DENND1A: variants seen among roughly 807,000 people sequenced by gnomAD.
DENND1A encodes the protein DENN domain-containing protein 1A.
In DENND1A, 51 loss-of-function variants were observed where a neutral mutation model predicts 113.7. The ratio of observed to expected loss-of-function variants is 0.45; its 90% CI spans 0.36 to 0.57. DENND1A has a LOEUF of 0.57. Among genes scored for constraint, DENND1A ranks in the 20% least tolerant of loss-of-function variants. The pLI is 0.00. For missense variants in DENND1A, 1,258 were observed against 1,395.9 expected (o/e 0.90, Z 1.57); for synonymous variants, 565 against 570.8 (o/e 0.99, Z 0.14).
In DENND1A at chr9:123,911,322, A is replaced by G. The variant is rs567071979; in HGVS notation, c.17+18567T>C. 2.0e-5 allele frequency among the ~76,000 whole-genome samples: 3 copies of G among 152,366 alleles called. No individual in the cohort carries two copies. The East Asian group carries it at 5.8e-4, about 29-fold the overall frequency. On this transcript the variant is annotated intron_variant, in intron 1 of 23. Coordinates refer to ENST00000394215, the MANE Select transcript of DENND1A (RefSeq NM_001352964.2). The stretch of plus-strand genomic sequence containing the variant: ...CAAGTGGAACTGTCATATATAGCTG[A>G]TGAGGTATGAATTGGCACACAATTT...
chr9:123,471,119 G>A (rs1359361318), intron 13 of DENND1A, among the ~76,000 whole-genome samples: 1 of 152,218 alleles, frequency 6.6e-6, no homozygotes, highest in Non-Finnish European at 1.5e-5. Context: ...ATATAGAAAA[G>A]GCTTTTCTTT....
chr9:123,500,466 C>T (rs1256376943), intron 13 of DENND1A, among the ~76,000 whole-genome samples: 2 of 152,188 alleles, frequency 1.3e-5, no homozygotes, highest in East Asian at 3.8e-4. Flanking sequence ...GAAAAATGAA[C>T]TTGTCAGGCA....
At chr9:123,757,153 T>C (rs1267772883) in intron 5 of DENND1A, among the ~76,000 whole-genome samples, 1 of 152,330 alleles carries the variant, frequency 6.6e-6, no homozygotes, top group East Asian at 1.9e-4. Flanking sequence ...AGTGTGGCTC[T>C]GGTGTATGAG....
At chr9:123,452,750 C>T (rs2047827539) in intron 16 of DENND1A, among the ~76,000 whole-genome samples, 1 of 152,092 alleles carries the variant, frequency 6.6e-6, no homozygotes, top group East Asian at 1.9e-4. Flanking sequence ...ACCGTGGACT[C>T]CATAGCTGAC....
At chr9:123,471,768 G>C (rs1402954854) in intron 13 of DENND1A, among the ~76,000 whole-genome samples, 1 of 152,176 alleles carries the variant, frequency 6.6e-6, no homozygotes, top group Non-Finnish European at 1.5e-5. Flanking sequence ...TGACCCCAAA[G>C]TCCAGGCTCC....
intron 2 of DENND1A, among the ~76,000 whole-genome samples, chr9:123,839,645 T>G (rs1841540993): frequency 6.6e-6 from 1 of 152,228 alleles, no homozygotes; most frequent in Non-Finnish European, 1.5e-5. Flanking sequence ...ATTCAAAGCT[T>G]ACAATGAAAG....
chr9:123,516,541 T>C (rs1424415967), intron 13 of DENND1A, among the ~76,000 whole-genome samples: 1 of 151,932 alleles, frequency 6.6e-6, no homozygotes, highest in Non-Finnish European at 1.5e-5. Flanking sequence ...ATATAAAAAA[T>C]AAAAACTCCT....
chr9:123,858,249 A>G (rs1217842508), intron 2 of DENND1A, among the ~76,000 whole-genome samples: 1 of 152,188 alleles, frequency 6.6e-6, no homozygotes, highest in East Asian at 1.9e-4. Context: ...GTGCAGGAGA[A>G]TCACCTTGTT....
intron 3 of DENND1A, 128 bp from the exon 4 acceptor site, chr9:123,769,691 C>T (rs1403007362): frequency 3.1e-6 from 2 of 637,506 alleles, no homozygotes; most frequent in Non-Finnish European, 5.1e-6. Flanking sequence ...TGGGCTTTAT[C>T]AATTACATGG....
intron 2 of DENND1A, among the ~76,000 whole-genome samples, chr9:123,826,618 A>G (rs1170263813): frequency 6.6e-6 from 1 of 152,034 alleles, no homozygotes; most frequent in East Asian, 1.9e-4. Context: ...TCTCAGTATT[A>G]GCTCTCCCCT....
intron 12 of DENND1A, among the ~76,000 whole-genome samples, chr9:123,576,562 A>G (rs912858032): frequency 1.3e-5 from 2 of 152,002 alleles, no homozygotes; most frequent in African/African-American, 4.8e-5. Context: ...GCAGTGGGGC[A>G]GCCTCGGCTC....
intron 3 of DENND1A, among the ~76,000 whole-genome samples, chr9:123,784,768 C>G (rs1831856871): frequency 6.6e-6 from 1 of 152,118 alleles, no homozygotes; most frequent in African/African-American, 2.4e-5. Context: ...GCTTGGCGTG[C>G]TTTCAGAAAG....
At chr9:123,437,946 T>C (rs1001796727) in intron 19 of DENND1A, 1 of 152,186 alleles carries the variant, frequency 6.6e-6, no homozygotes, top group East Asian at 1.9e-4. Flanking sequence ...CTGGGACTAG[T>C]ATATCAAGCC....
rs373336688 is a variant in DENND1A at position 123,457,389 on chromosome 9, C to T, written c.1145G>A (p.Ser382Asn). Reference protein sequence around the residue: ...LDLLNSGEGFSDVFEEEINMG... With the variant: ...LDLLNSGEGFNDVFEEEINMG... The stretch of plus-strand genomic sequence containing the variant: ...GTTGATTTCCTCTTCAAAAACATCA[C>T]TGAAACCTTCGCCGGAATTGAGAAG... The change falls in exon 15 of 24, where the codon AGT becomes AAT. Residue 382 changes from serine (S) to asparagine (N), a missense_variant. Around this residue, in one of 2 missense-constraint regions of DENND1A, gnomAD observed 1,159 missense variants for 1,231.7 expected, o/e 0.94. Coordinates refer to ENST00000394215, the MANE Select transcript of DENND1A (RefSeq NM_001352964.2). The T allele has an allele frequency of 4.3e-6, 7 of 1,614,044 alleles. No homozygotes were observed. Among genetic ancestry groups the T allele is most frequent in the East Asian group, 2.2e-5 (1 of 44,902 alleles).
intron 13 of DENND1A, among the ~76,000 whole-genome samples, chr9:123,550,242 T>A (rs531543056): frequency 3.9e-5 from 6 of 152,256 alleles, no homozygotes; most frequent in Admixed American, 1.3e-4. Context: ...GGGACCAGAG[T>A]GAGCTGGCTG....
chr9:123,855,073 G>A (rs1843953452), intron 2 of DENND1A, among the ~76,000 whole-genome samples: 1 of 151,272 alleles, frequency 6.6e-6, no homozygotes, highest in Admixed American at 6.6e-5. Context: ...TGTAAATGGA[G>A]CTATTTCAAA....
intron 10 of DENND1A, among the ~76,000 whole-genome samples, chr9:123,611,774 T>C (rs1260325596): frequency 6.6e-6 from 1 of 152,234 alleles, no homozygotes; most frequent in Non-Finnish European, 1.5e-5. Context: ...AAAACCCCTC[T>C]GTATAACTTA....
intron 2 of DENND1A, among the ~76,000 whole-genome samples, chr9:123,825,060 A>G (rs1156627818): frequency 2.0e-5 from 3 of 152,178 alleles, no homozygotes; most frequent in South Asian, 4.1e-4. Flanking sequence ...CATATTTCAG[A>G]GTCTAAGTGC....
chr9:123,383,625 G>A (rs756946029), intron 23 of DENND1A, 30 bp downstream of exon 23: 9 of 1,599,650 alleles, frequency 5.6e-6, no homozygotes, highest in African/African-American at 5.4e-5. Flanking sequence ...GCCGGCCCCC[G>A]GCCGATACCC....
Sources: allele counts gnomAD v4.1 joint callset (sites outside exome capture counted in the v4.1 genomes callset), GRCh38; gene constraint gnomAD v4.1.1; regional missense constraint gnomAD v4.1.1; transcripts MANE v1.5; gene names NCBI Gene and HGNC (gene_info 2026-07-23, HGNC 2026-07-21).